Variants in TMBIM1 observed in about 807,000 individuals in gnomAD.
TMBIM1 encodes transmembrane BAX inhibitor motif containing 1, also known as protein lifeguard 3.
In TMBIM1, 34 loss-of-function variants were observed where a neutral mutation model predicts 45.1. That is an observed-to-expected ratio of 0.75 (90% CI 0.57 to 1.00). The LOEUF is 1.00. Ranked by LOEUF, TMBIM1 falls within the 50% of genes least tolerant of loss-of-function variation. The pLI, the probability that TMBIM1 is intolerant of heterozygous loss-of-function variation, is 0.00. For missense variants in TMBIM1, 374 were observed against 402.4 expected, an observed-to-expected ratio of 0.93 and a Z score of 0.60; for synonymous variants, 157 against 153.5, an observed-to-expected ratio of 1.02 and a Z score of -0.17.
chr2:218,281,297 G>A (rs748963914), intron 2 of TMBIM1, among the ~76,000 whole-genome samples: 7 of 151,832 alleles, frequency 4.6e-5, no homozygotes, highest in Admixed American at 1.3e-4. Flanking sequence ...CACCACACCC[G>A]GCTAAGTTTT....
rs781400423 is a variant in TMBIM1 at position 218,277,103 on chromosome 2, CCAG to C, written c.640-7_640-5del. 15 of 1,613,620 alleles carry C rather than the reference CCAG, an allele frequency of 9.3e-6. No individual in the cohort carries two copies. The highest frequency in any genetic ancestry group is 1.3e-5 in the Non-Finnish European group (15 of 1,179,598). On this transcript the variant is annotated splice_polypyrimidine_tract_variant and splice_region_variant and intron_variant, in intron 9 of 11. Coordinates refer to ENST00000258412, the MANE Select transcript of TMBIM1 (RefSeq NM_022152.6). Reference sequence around the variant, plus strand: ...CTGTGCACGAGGTGAAGTCCACCTGCCAGGAAGCAAGAAAGAGGCACCTGTCAG... The same window carrying C: ...CTGTGCACGAGGTGAAGTCCACCTGCGAAGCAAGAAAGAGGCACCTGTCAG...
intron 2 of TMBIM1, chr2:218,280,614 T>C (rs942521175): frequency 1.7e-5 from 3 of 171,676 alleles, no homozygotes; most frequent in Non-Finnish European, 3.8e-5. Flanking sequence ...GCAGGACCCA[T>C]GCGCAGATCC....
intron 2 of TMBIM1, 79 bp from the exon 3 acceptor site, chr2:218,280,205 A>G: frequency 9.5e-7 from 1 of 1,052,652 alleles, no homozygotes; most frequent in Non-Finnish European, 1.5e-6. Flanking sequence ...GACAATCTCA[A>G]AGTCTCAGGG....
At chr2:218,277,284 G>A (rs1691314874) in intron 9 of TMBIM1, 82 bp downstream of exon 9, 1 of 1,346,882 alleles carries the variant, frequency 7.4e-7, no homozygotes, top group South Asian at 1.2e-5. Context: ...AGGTCTCTAG[G>A]GAACATCCCT....
intron 6 of TMBIM1, 83 bp downstream of exon 6, chr2:218,278,431 TA>T: frequency 4.3e-6 from 6 of 1,382,642 alleles, no homozygotes; most frequent in Middle Eastern, 3.6e-4. Context: ...TCAGCTGCTA[TA>T]AAGGAATCCT....
At chr2:218,276,874 G>A (rs1691269401) in intron 10 of TMBIM1, 130 bp downstream of exon 10, 1 of 721,844 alleles carries the variant, frequency 1.4e-6, no homozygotes, top group Non-Finnish European at 2.4e-6. Flanking sequence ...TGGTGCCTTT[G>A]CTAGCCAGTC....
chr2:218,289,932 G>A (rs1335862227), intron 1 of TMBIM1: 2 of 152,174 alleles, frequency 1.3e-5, no homozygotes, highest in African/African-American at 4.8e-5. Context: ...AACACTCTAG[G>A]AAAGAAAGAG....
At chr2:218,278,669 G>T in intron 5 of TMBIM1, 104 bp from the exon 6 acceptor site, 1 of 1,274,260 alleles carries the variant, frequency 7.8e-7, no homozygotes, top group Non-Finnish European at 1.1e-6. Flanking sequence ...TTGGAAGTCT[G>T]AGGGGAAGCA....
At chr2:218,275,722 G>T in intron 11 of TMBIM1, 101 bp from the exon 12 acceptor site, 2 of 1,396,006 alleles carry the variant, frequency 1.4e-6, no homozygotes, top group Non-Finnish European at 1.9e-6. Flanking sequence ...GCCACACAGT[G>T]CTTAGGGCCA....
intron 5 of TMBIM1, 131 bp from the exon 6 acceptor site, chr2:218,278,696 G>A (rs1691523676): frequency 3.1e-6 from 3 of 981,662 alleles, no homozygotes; most frequent in Non-Finnish European, 4.8e-6. Flanking sequence ...CAGGAAGCAA[G>A]AACGAGATTA....
chr2:218,291,097 G>A (rs1311361262), intron 1 of TMBIM1, among the ~76,000 whole-genome samples: 2 of 152,174 alleles, frequency 1.3e-5, no homozygotes, highest in African/African-American at 2.4e-5. Context: ...TCCCAGGGGA[G>A]GAGGCTGAGC....
At chr2:218,288,244 T>C (rs971637347) in intron 1 of TMBIM1, among the ~76,000 whole-genome samples, 4 of 151,922 alleles carry the variant, frequency 2.6e-5, no homozygotes, top group Non-Finnish European at 5.9e-5. Context: ...CTGGCTAACA[T>C]GGTGAAACCC....
At chr2:218,280,432 G>A in intron 2 of TMBIM1, 1 of 341,728 alleles carries the variant, frequency 2.9e-6, no homozygotes, top group Non-Finnish European at 5.6e-6. Flanking sequence ...GGCAGGAGCA[G>A]GTATGGGCAT....
chr2:218,292,164 GGAACACGAGGACACCCCCA>G (rs1248389210), intron 1 of TMBIM1, among the ~76,000 whole-genome samples: 1 of 152,206 alleles, frequency 6.6e-6, no homozygotes. Context: ...CCCGAAAGAG[GGAACACGAGGACACCCCCA>G]GACCCTGGCT....
chr2:218,277,886 G>GTCTCCCTCACAGCA, intron 7 of TMBIM1, 49 bp downstream of exon 7: 1 of 1,611,692 alleles, frequency 6.2e-7, no homozygotes, highest in Non-Finnish European at 8.5e-7. Flanking sequence ...CCTGGGAGCA[G>GTCTCCCTCACAGCA]TCTCCCTCAC....
intron 1 of TMBIM1, among the ~76,000 whole-genome samples, chr2:218,285,478 ACAC>A (rs2106225691): frequency 6.6e-6 from 1 of 152,102 alleles, no homozygotes; most frequent in Admixed American, 6.5e-5. Flanking sequence ...CAGGCCCTCC[ACAC>A]CACCACAGGG....
intron 1 of TMBIM1, among the ~76,000 whole-genome samples, chr2:218,286,172 T>C (rs1433434335): frequency 6.6e-6 from 1 of 152,112 alleles, no homozygotes; most frequent in Non-Finnish European, 1.5e-5. Flanking sequence ...TTTCCCAAAA[T>C]ACAGTAGGCA....
At chr2:218,279,537 A>C in intron 3 of TMBIM1, 184 bp from the exon 4 acceptor site, 4 of 537,828 alleles carry the variant, frequency 7.4e-6, no homozygotes, top group Non-Finnish European at 1.3e-5. Flanking sequence ...CCCCGCTCCC[A>C]TGCTCCCTGC....
chr2:218,282,284 A>C, intron 1 of TMBIM1, 103 bp from the exon 2 acceptor site: 1 of 640,142 alleles, frequency 1.6e-6, no homozygotes, highest in Non-Finnish European at 2.5e-6. Flanking sequence ...CGTGGAGAGG[A>C]ACACCACCTA....
Sources: allele counts gnomAD v4.1 joint callset (sites outside exome capture counted in the v4.1 genomes callset), GRCh38; gene constraint gnomAD v4.1.1; transcripts MANE v1.5; gene names NCBI Gene and HGNC (gene_info 2026-07-23, HGNC 2026-07-21).